The following ASTN1 variants were observed in gnomAD, a reference collection of about 807,000 sequenced individuals.
The protein encoded by ASTN1 is astrotactin 1.
In ASTN1, 41 loss-of-function variants were observed where a neutral mutation model predicts 140.7. That is an observed-to-expected ratio of 0.29 (90% CI 0.23 to 0.38). ASTN1 has a LOEUF of 0.38. Ranked by LOEUF, ASTN1 falls within the 10% of genes least tolerant of loss-of-function variation. The pLI, the probability that ASTN1 is intolerant of heterozygous loss-of-function variation, is 1.00. For missense variants in ASTN1, 1,479 were observed against 1,678.8 expected, an observed-to-expected ratio of 0.88 and a Z score of 2.08; for synonymous variants, 640 against 652.2, an observed-to-expected ratio of 0.98 and a Z score of 0.29.
intron 21 of ASTN1, among the ~76,000 whole-genome samples, chr1:176,872,982 C>G (rs1293243665): frequency 6.6e-6 from 1 of 152,202 alleles, no homozygotes; most frequent in Admixed American, 6.5e-5. Flanking sequence ...ATATAAGCTC[C>G]ATGAGACAGG....
At chr1:177,088,872 T>A (rs1371152812) in intron 1 of ASTN1, among the ~76,000 whole-genome samples, 1 of 152,178 alleles carries the variant, frequency 6.6e-6, no homozygotes, top group Non-Finnish European at 1.5e-5. Context: ...CTTTCTTCCT[T>A]CTTTCCTCAA....
chr1:176,931,046 A>G (rs1351935907), intron 16 of ASTN1, among the ~76,000 whole-genome samples: 2 of 152,154 alleles, frequency 1.3e-5, no homozygotes, highest in African/African-American at 4.8e-5. Context: ...GGAAACGAAG[A>G]ACCTCACGAC....
chr1:176,945,264 C>T (rs1671903769), intron 13 of ASTN1, among the ~76,000 whole-genome samples: 2 of 151,332 alleles, frequency 1.3e-5, no homozygotes, highest in Non-Finnish European at 2.9e-5. Flanking sequence ...ATAAAAAGGC[C>T]CAATTATGTC....
At chr1:177,063,469 C>T (rs551228281) in intron 1 of ASTN1, among the ~76,000 whole-genome samples, 1 of 152,210 alleles carries the variant, frequency 6.6e-6, no homozygotes, top group Admixed American at 6.5e-5. Flanking sequence ...TAAGCATGGC[C>T]TCATTTATTA....
At chr1:176,968,046 A>T (rs1017374270) in intron 8 of ASTN1, among the ~76,000 whole-genome samples, 1 of 152,174 alleles carries the variant, frequency 6.6e-6, no homozygotes, top group African/African-American at 2.4e-5. Context: ...TTCTGGAGTT[A>T]GCCTGCCTAT....
At chr1:177,033,156 TGC>T (rs1185785413) in intron 2 of ASTN1, among the ~76,000 whole-genome samples, 3 of 148,692 alleles carry the variant, frequency 2.0e-5, no homozygotes, top group Admixed American at 6.7e-5. Flanking sequence ...TGTGTGTGTG[TGC>T]GTGATTTCAG....
chr1:176,923,567 G>A (rs1186692835), intron 16 of ASTN1, among the ~76,000 whole-genome samples: 2 of 152,138 alleles, frequency 1.3e-5, no homozygotes, highest in Non-Finnish European at 2.9e-5. Flanking sequence ...CATTTTGAGA[G>A]AGAGAAACCA....
chr1:177,148,024 G>C (rs929612753), intron 1 of ASTN1, among the ~76,000 whole-genome samples: 2 of 152,104 alleles, frequency 1.3e-5, no homozygotes, highest in African/African-American at 4.8e-5. Context: ...ACCCACAGTT[G>C]GAGCCCAAAT....
chr1:176,930,368 G>C (rs1382736453), intron 16 of ASTN1, among the ~76,000 whole-genome samples: 1 of 152,142 alleles, frequency 6.6e-6, no homozygotes, highest in African/African-American at 2.4e-5. Flanking sequence ...AGCAAAGGAG[G>C]TTTCAAGCCT....
intron 11 of ASTN1, among the ~76,000 whole-genome samples, chr1:176,953,102 T>G (rs1232265305): frequency 6.6e-6 from 1 of 152,208 alleles, no homozygotes; most frequent in Non-Finnish European, 1.5e-5. Context: ...GCTAATGAGA[T>G]TAAAATGATT....
chr1:176,918,861 C>T (rs1362919098), intron 16 of ASTN1, among the ~76,000 whole-genome samples: 1 of 152,158 alleles, frequency 6.6e-6, no homozygotes, highest in Non-Finnish European at 1.5e-5. Context: ...TTCCCAGCCT[C>T]CAGCCAGGCC....
chr1:177,063,810 C>T (rs1255790470), intron 1 of ASTN1, among the ~76,000 whole-genome samples: 3 of 152,156 alleles, frequency 2.0e-5, no homozygotes, highest in Admixed American at 1.3e-4. Context: ...AAATCACAAG[C>T]TGTCATAGCT....
chr1:176,941,020 AAAC>A (rs1671692282), intron 14 of ASTN1, among the ~76,000 whole-genome samples: 1 of 152,228 alleles, frequency 6.6e-6, no homozygotes, highest in Non-Finnish European at 1.5e-5. Context: ...TTCATAAGAA[AAAC>A]AACAAATAAA....
At chr1:177,039,841 T>G (rs867812448) in intron 2 of ASTN1, among the ~76,000 whole-genome samples, 1 of 152,212 alleles carries the variant, frequency 6.6e-6, no homozygotes, top group Admixed American at 6.5e-5. Flanking sequence ...GCATTCTTCC[T>G]GCCCAGCAAA....
intron 1 of ASTN1, among the ~76,000 whole-genome samples, chr1:177,145,311 CAG>C (rs1682672882): frequency 6.6e-6 from 1 of 152,162 alleles, no homozygotes; most frequent in Non-Finnish European, 1.5e-5. Flanking sequence ...CTTTAAATGT[CAG>C]AGTGTCTCAA....
chr1:176,914,583 T>C (rs1670401853), intron 16 of ASTN1, among the ~76,000 whole-genome samples: 1 of 152,210 alleles, frequency 6.6e-6, no homozygotes, highest in African/African-American at 2.4e-5. Flanking sequence ...ATTTTGAGCC[T>C]GAAGCAAGTT....
At chr1:177,080,237 T>A (rs1393090198) in intron 1 of ASTN1, among the ~76,000 whole-genome samples, 2 of 149,236 alleles carry the variant, frequency 1.3e-5, no homozygotes, top group Non-Finnish European at 3.0e-5. Context: ...CCTCCATTTT[T>A]TTTTTTCCTA....
At chr1:177,131,736 C>T (rs770730138) in intron 1 of ASTN1, among the ~76,000 whole-genome samples, 9 of 152,002 alleles carry the variant, frequency 5.9e-5, no homozygotes, top group African/African-American at 2.2e-4. Context: ...AGAAAAGAGA[C>T]GTATTTGGCT....
chr1:177,066,851 G>A (rs958959047), intron 1 of ASTN1, among the ~76,000 whole-genome samples: 1 of 152,186 alleles, frequency 6.6e-6, no homozygotes, highest in African/African-American at 2.4e-5. Context: ...TAGCAAGGCT[G>A]AGTGCAAGCT....
Sources: gnomAD v4.1 joint callset for allele counts (sites outside exome capture counted in the v4.1 genomes callset) on GRCh38, gnomAD v4.1.1 for gene constraint, MANE v1.5 for transcripts, NCBI Gene and HGNC (gene_info 2026-07-23, HGNC 2026-07-21) for gene names.